The following ABAT variants were observed in gnomAD, a reference collection of about 807,000 sequenced individuals.
ABAT encodes the protein 4-aminobutyrate aminotransferase.
ABAT carries 45 observed loss-of-function variants against 64.6 expected under a neutral mutation model. That is an observed-to-expected ratio of 0.70 (90% CI 0.55 to 0.89). The LOEUF is 0.89. Ranked by LOEUF, ABAT falls within the 40% of genes least tolerant of loss-of-function variation. The pLI is 0.00. For missense variants in ABAT, 633 were observed against 658.4 expected (o/e 0.96, Z 0.42); for synonymous variants, 297 against 250.5 (o/e 1.19, Z -1.75).
chr16:8,772,509 T>G (rs532400131), intron 11 of ABAT, among the ~76,000 whole-genome samples: 2 of 152,324 alleles, frequency 1.3e-5, no homozygotes, highest in African/African-American at 4.8e-5. Flanking sequence ...AGTGTGCCCA[T>G]ACAACACATC....
chr16:8,772,252 CTGTG>C (rs55677241), intron 11 of ABAT, among the ~76,000 whole-genome samples: 16,162 of 147,802 alleles, frequency 0.11, 923 homozygotes, highest in East Asian at 0.17. Context: ...CTCTCTGTCT[CTGTG>C]TGTGTGTGTG....
chr16:8,737,994 A>AAGAAAG (rs2059021889), intron 2 of ABAT, among the ~76,000 whole-genome samples: 1 of 104,666 alleles, frequency 9.6e-6, no homozygotes, highest in Non-Finnish European at 2.0e-5. Context: ...GGAAGGAGGA[A>AAGAAAG]AGAAAGAAAG....
Position 8,776,004 on chromosome 16 carries a change from C to G in ABAT, c.1123-340C>G, listed in dbSNP as rs1164076153. 2.0e-5 allele frequency among the ~76,000 whole-genome samples: 3 copies of G among 152,142 alleles called. No homozygotes were observed. Among genetic ancestry groups the G allele is most frequent in the African/African-American group, 7.2e-5 (3 of 41,420 alleles). On this transcript the variant is annotated intron_variant, in intron 13 of 15. Coordinates refer to ENST00000268251, the MANE Select transcript of ABAT (RefSeq NM_020686.6). The surrounding 1 kb of genome is among the most constrained non-coding windows in gnomAD (Gnocchi z 4.4). Reference sequence around the variant, plus strand: ...AGCCTCCCAGAACCTCAGCTTCCTCCTGTATAAAATGAGGGTTATAGGAGT... The same window carrying G: ...AGCCTCCCAGAACCTCAGCTTCCTCGTGTATAAAATGAGGGTTATAGGAGT...
Position 8,781,725 on chromosome 16 carries a change from C to A in ABAT, c.*295C>A. 1 of 479,838 alleles carries A rather than the reference C, an allele frequency of 2.1e-6. No individual in the cohort carries two copies. Among genetic ancestry groups the A allele is most frequent in the Non-Finnish European group, 3.8e-6 (1 of 261,784 alleles). 29.7% of individuals were successfully genotyped at this position (479,838 alleles called of 1,614,324 possible). A position where few individuals can be genotyped will look rare whatever the true frequency, so the allele number is the denominator to read the frequency against. On this transcript the variant is annotated 3_prime_UTR_variant, in exon 16 of 16. Transcript: ENST00000268251. The surrounding 1 kb of genome is among the most constrained non-coding windows in gnomAD (Gnocchi z 4.5). The stretch of plus-strand genomic sequence containing the variant: ...GGGAGGTCCTGGCTAGAGTTCTGCC[C>A]AACCTTGACCAACCCCAGCAATTTT...
At chr16:8,701,987 C>A (rs920490197) in intron 1 of ABAT, among the ~76,000 whole-genome samples, 5 of 151,614 alleles carry the variant, frequency 3.3e-5, no homozygotes, top group Non-Finnish European at 7.4e-5. Context: ...GTCCTGCAGG[C>A]CTCCTGGAGG....
intron 1 of ABAT, among the ~76,000 whole-genome samples, chr16:8,681,163 T>G (rs1055084247): frequency 1.3e-5 from 2 of 152,038 alleles, no homozygotes; most frequent in East Asian, 1.9e-4. Context: ...AAAGCATTTT[T>G]TTGTTGTTGT....
In ABAT at chr16:8,781,556, G is replaced by A; in HGVS notation, c.*126G>A. ...ATGCACAGTGAAGGGTGATTTGTGG[G>A]GAGGGAGCATTTTTGGTGGTCTTGG... is the stretch of plus-strand genomic sequence containing the variant. On this transcript the variant is annotated 3_prime_UTR_variant, in exon 16 of 16. Coordinates refer to ENST00000268251, the MANE Select transcript of ABAT (RefSeq NM_020686.6). The surrounding 1 kb of genome is among the most constrained non-coding windows in gnomAD (Gnocchi z 4.5). 1 of 1,409,196 alleles carries A rather than the reference G, an allele frequency of 7.1e-7. No individual in the cohort carries two copies. Among genetic ancestry groups the A allele is most frequent in the Non-Finnish European group, 9.8e-7 (1 of 1,016,902 alleles). The allele number at this position is 1,409,196 out of a possible 1,614,324, so 87.3% of individuals were successfully genotyped here.
At chr16:8,758,171 T>G (rs764076650) in intron 6 of ABAT, among the ~76,000 whole-genome samples, 12 of 152,240 alleles carry the variant, frequency 7.9e-5, no homozygotes, top group Non-Finnish European at 1.8e-4. Context: ...TATTGACAAG[T>G]CTGTGAAGCA....
At chr16:8,743,103 A>G (rs1028245915) in intron 2 of ABAT, among the ~76,000 whole-genome samples, 1 of 150,934 alleles carries the variant, frequency 6.6e-6, no homozygotes, top group Non-Finnish European at 1.5e-5. Context: ...CAGATCAAAG[A>G]GAAGAAAATA....
At chr16:8,744,441 C>G (rs1424303644) in intron 2 of ABAT, among the ~76,000 whole-genome samples, 2 of 151,916 alleles carry the variant, frequency 1.3e-5, no homozygotes, top group Admixed American at 6.6e-5. Context: ...AATCTTGGCT[C>G]ACTGCAGCCT....
At chr16:8,766,662 C>G (rs1182916969) in intron 9 of ABAT, among the ~76,000 whole-genome samples, 3 of 146,968 alleles carry the variant, frequency 2.0e-5, no homozygotes, top group Admixed American at 6.8e-5. Context: ...TCAAAACAAA[C>G]AAAAAAACAA....
intron 11 of ABAT, among the ~76,000 whole-genome samples, chr16:8,770,100 C>G (rs2060060144): frequency 6.6e-6 from 1 of 152,148 alleles, no homozygotes; most frequent in African/African-American, 2.4e-5. Flanking sequence ...TTTTTACACC[C>G]TGCCTGGAAA....
At chr16:8,769,344 A>T (rs1314649370) in intron 11 of ABAT, among the ~76,000 whole-genome samples, 2 of 152,118 alleles carry the variant, frequency 1.3e-5, no homozygotes, top group Non-Finnish European at 2.9e-5. Context: ...AGACGGGAGG[A>T]TCACCTGAGG....
At chr16:8,676,151 CAT>C (rs2057195897) in intron 1 of ABAT, among the ~76,000 whole-genome samples, 1 of 152,084 alleles carries the variant, frequency 6.6e-6, no homozygotes, top group African/African-American at 2.4e-5. Context: ...GGCGTGGAGT[CAT>C]AGAGAAATGT....
intron 11 of ABAT, among the ~76,000 whole-genome samples, chr16:8,769,330 G>A (rs1375026168): frequency 6.6e-6 from 1 of 152,148 alleles, no homozygotes; most frequent in East Asian, 1.9e-4. Flanking sequence ...ACTTTGGGAG[G>A]CTGAGACGGG....
intron 1 of ABAT, among the ~76,000 whole-genome samples, chr16:8,719,087 T>C (rs1258251986): frequency 6.6e-6 from 1 of 152,220 alleles, no homozygotes; most frequent in Non-Finnish European, 1.5e-5. Flanking sequence ...GATTTGTTTG[T>C]TGCTTGTTGG....
chr16:8,761,329 G>A lies in ABAT; in HGVS notation c.367-2740G>A, dbSNP rs182390011. Reference sequence around the variant, plus strand: ...CCTCCCTTCTCACCCCCTCCAAACCGTCCACCAAACTGTGCCGCGTGTGGA... The same window carrying A: ...CCTCCCTTCTCACCCCCTCCAAACCATCCACCAAACTGTGCCGCGTGTGGA... On this transcript the variant is annotated intron_variant, in intron 6 of 15. Coordinates refer to ENST00000268251, the MANE Select transcript of ABAT (RefSeq NM_020686.6). Among the ~76,000 whole-genome samples the A allele has an allele frequency of 7.9e-5, 12 of 151,732 alleles. No homozygotes were observed. The East Asian group carries it at 1.9e-3, about 25-fold the overall frequency.
chr16:8,741,392 G>A (rs931867260), intron 2 of ABAT, among the ~76,000 whole-genome samples: 2 of 152,194 alleles, frequency 1.3e-5, no homozygotes, highest in African/African-American at 4.8e-5. Flanking sequence ...AGGTCAGATG[G>A]GCAAATTTCC....
At chr16:8,706,404 C>CAAAAAAA (rs56329419) in intron 1 of ABAT, among the ~76,000 whole-genome samples, 2 of 95,046 alleles carry the variant, frequency 2.1e-5, no homozygotes, top group East Asian at 2.9e-4. Context: ...GACCCTGTTT[C>CAAAAAAA]AAAAAAAAAA....
Sources: allele counts gnomAD v4.1 joint callset (sites outside exome capture counted in the v4.1 genomes callset), GRCh38; gene constraint gnomAD v4.1.1; non-coding constraint Gnocchi (gnomAD v3.1); transcripts MANE v1.5; gene names NCBI Gene and HGNC (gene_info 2026-07-23, HGNC 2026-07-21).